The following SYN2 variants were observed in gnomAD, a reference collection of about 807,000 sequenced individuals.
The protein encoded by SYN2 is synapsin II.
A neutral mutation model predicts 50.9 loss-of-function variants in SYN2; 19 were observed. That is an observed-to-expected ratio of 0.37 (90% CI 0.26 to 0.55). SYN2 has a LOEUF of 0.55. Among genes scored for constraint, SYN2 ranks in the 20% least tolerant of loss-of-function variants. The pLI is 0.81. For missense variants in SYN2, 587 were observed against 576.4 expected (o/e 1.02, Z -0.19); for synonymous variants, 255 against 224.9 (o/e 1.13, Z -1.20).
Position 12,115,333 on chromosome 3 carries a change from G to A in SYN2, c.378-25318G>A, listed in dbSNP as rs1176043008. 5.3e-5 allele frequency among the ~76,000 whole-genome samples: 8 copies of A among 152,178 alleles called. 1 individual carries two copies. The highest frequency in any genetic ancestry group is 1.9e-4 in the African/African-American group (8 of 41,448). On this transcript the variant is annotated intron_variant, in intron 1 of 12. Coordinates refer to ENST00000621198, the MANE Select transcript of SYN2 (RefSeq NM_133625.6). Reference sequence around the variant, plus strand: ...TATATTTCATCACTCAGATTCTGCTGCATGGACAACTACCTACTTTAGAAT... The same window carrying A: ...TATATTTCATCACTCAGATTCTGCTACATGGACAACTACCTACTTTAGAAT...
At chr3:12,156,966 G>T in intron 5 of SYN2, 1 of 1,490,638 alleles carries the variant, frequency 6.7e-7, no homozygotes. Flanking sequence ...AGGCAATATT[G>T]GGTCAGTGAG....
chr3:12,179,700 C>A (rs1446566602), intron 10 of SYN2, among the ~76,000 whole-genome samples: 1 of 152,206 alleles, frequency 6.6e-6, no homozygotes. Context: ...TTCGAGACTT[C>A]TAACCATCCT....
intron 1 of SYN2, among the ~76,000 whole-genome samples, chr3:12,081,814 T>C (rs1695591919): frequency 6.6e-6 from 1 of 152,214 alleles, no homozygotes; most frequent in East Asian, 1.9e-4. Flanking sequence ...CTTATCTATA[T>C]GCCACTCTTA....
chr3:12,160,071 A>AG (rs1307659749), intron 5 of SYN2, among the ~76,000 whole-genome samples: 2 of 146,196 alleles, frequency 1.4e-5, no homozygotes, highest in Non-Finnish European at 3.0e-5. Context: ...AAAAAAGTAA[A>AG]AGAAAAAACA....
intron 5 of SYN2, chr3:12,158,899 G>C (rs1193710528): frequency 6.8e-7 from 1 of 1,460,766 alleles, no homozygotes; most frequent in Non-Finnish European, 9.0e-7. Flanking sequence ...GCCCCAGCAG[G>C]GCTCCTTCCC....
chr3:12,187,629 C>T lies in SYN2; in HGVS notation c.1613+17C>T, dbSNP rs972736558. On this transcript the variant is annotated intron_variant, in intron 12 of 12. Coordinates refer to ENST00000621198, the MANE Select transcript of SYN2 (RefSeq NM_133625.6). ...ACAGCTCAAGTAAGAGACAACTCAG[C>T]AGCTCCTCCCTCCCCTCCTCCTACC... 1.3e-6 allele frequency: 2 copies of T among 1,527,986 alleles called. No homozygotes were observed. The highest frequency in any genetic ancestry group is 2.0e-5 in the Admixed American group (1 of 49,964). The allele number at this position is 1,527,986 out of a possible 1,614,324, so 94.7% of individuals were successfully genotyped here.
At chr3:12,038,557 T>G (rs1694549966) in intron 1 of SYN2, among the ~76,000 whole-genome samples, 1 of 152,158 alleles carries the variant, frequency 6.6e-6, no homozygotes, top group East Asian at 1.9e-4. Flanking sequence ...CAGATTTTTT[T>G]CATTTATTTT....
intron 1 of SYN2, among the ~76,000 whole-genome samples, chr3:12,008,528 G>A (rs1391055687): frequency 2.0e-5 from 3 of 152,182 alleles, no homozygotes; most frequent in Non-Finnish European, 4.4e-5. Flanking sequence ...TACTAAGTCA[G>A]AATTTGCATT....
intron 1 of SYN2, among the ~76,000 whole-genome samples, chr3:12,092,035 T>C (rs1056243599): frequency 4.6e-5 from 7 of 152,286 alleles, no homozygotes; most frequent in Middle Eastern, 3.4e-3. Flanking sequence ...GGCAGATCAC[T>C]ACAGATCAAT....
intron 1 of SYN2, among the ~76,000 whole-genome samples, chr3:12,078,969 T>C (rs893130781): frequency 6.6e-6 from 1 of 152,194 alleles, no homozygotes; most frequent in Admixed American, 6.5e-5. Context: ...TTGTGTCCTC[T>C]CTGATTTTCT....
intron 1 of SYN2, among the ~76,000 whole-genome samples, chr3:12,140,268 T>C (rs925492504): frequency 6.6e-6 from 1 of 152,172 alleles, no homozygotes; most frequent in African/African-American, 2.4e-5. Context: ...GGATACCAAA[T>C]AGAAAACCAT....
intron 1 of SYN2, among the ~76,000 whole-genome samples, chr3:12,037,710 C>T (rs974180065): frequency 8.5e-5 from 13 of 152,186 alleles, no homozygotes; most frequent in African/African-American, 2.4e-4. Context: ...TGAGGCCTCA[C>T]GACCTAATTG....
At chr3:12,093,997 C>G (rs2125183666) in intron 1 of SYN2, among the ~76,000 whole-genome samples, 1 of 152,090 alleles carries the variant, frequency 6.6e-6, no homozygotes, top group African/African-American at 2.4e-5. Context: ...GCTGGGACTA[C>G]AGGCACATGC....
chr3:12,146,001 G>A (rs1697142061), intron 4 of SYN2, among the ~76,000 whole-genome samples, 166 bp downstream of exon 4: 1 of 152,210 alleles, frequency 6.6e-6, no homozygotes, highest in African/African-American at 2.4e-5. Flanking sequence ...CCAGCTAAGA[G>A]GATGTGAGAG....
At chr3:12,043,243 C>T (rs982464213) in intron 1 of SYN2, among the ~76,000 whole-genome samples, 6 of 152,040 alleles carry the variant, frequency 3.9e-5, no homozygotes, top group African/African-American at 1.2e-4. Context: ...AGGCTGGTCT[C>T]GAGCGCCTGA....
At chr3:12,103,543 G>A (rs950481695) in intron 1 of SYN2, among the ~76,000 whole-genome samples, 1 of 152,120 alleles carries the variant, frequency 6.6e-6, no homozygotes, top group African/African-American at 2.4e-5. Context: ...CAAAATGTCA[G>A]GATCGCCCCA....
chr3:12,092,516 A>G (rs1238025827), intron 1 of SYN2, among the ~76,000 whole-genome samples: 2 of 152,164 alleles, frequency 1.3e-5, no homozygotes, highest in Non-Finnish European at 2.9e-5. Flanking sequence ...CTTTGAAGAG[A>G]GTAAAATTTC....
intron 1 of SYN2, among the ~76,000 whole-genome samples, chr3:12,130,069 A>T (rs1696760427): frequency 6.6e-6 from 1 of 152,056 alleles, no homozygotes; most frequent in Non-Finnish European, 1.5e-5. Flanking sequence ...TAGCCTCCAG[A>T]TCTGTGAGAA....
chr3:12,022,396 G>GTTA (rs201890521), intron 1 of SYN2, among the ~76,000 whole-genome samples: 7,575 of 151,296 alleles, frequency 0.05, 252 homozygotes, highest in East Asian at 0.14. Context: ...CCTCTAGGAA[G>GTTA]TTATTATTAT....
Sources: allele counts gnomAD v4.1 joint callset (sites outside exome capture counted in the v4.1 genomes callset), GRCh38; gene constraint gnomAD v4.1.1; transcripts MANE v1.5; gene names NCBI Gene and HGNC (gene_info 2026-07-23, HGNC 2026-07-21).